The following LIG3 variants were observed in gnomAD, a reference collection of about 807,000 sequenced individuals.
LIG3 encodes the protein DNA ligase 3.
A neutral mutation model predicts 110.9 loss-of-function variants in LIG3; 58 were observed. That is an observed-to-expected ratio of 0.52 (90% CI 0.42 to 0.65). The LOEUF is 0.65. Among genes scored for constraint, LIG3 ranks in the 30% least tolerant of loss-of-function variants. LIG3 has a pLI of 0.00. For missense variants in LIG3, 1,094 were observed against 1,273.8 expected (o/e 0.86, Z 2.15); for synonymous variants, 422 against 472.8 (o/e 0.89, Z 1.39).
intron 11 of LIG3, chr17:34,997,427 T>G: frequency 3.5e-6 from 1 of 285,162 alleles, no homozygotes; most frequent in Admixed American, 4.1e-5. Flanking sequence ...AGAGTTGGAG[T>G]CGTATTTCAA....
At chr17:34,980,679 G>C (rs983119832) in intron 1 of LIG3, 57 bp downstream of exon 1, 2 of 898,890 alleles carry the variant, frequency 2.2e-6, no homozygotes, top group African/African-American at 1.2e-4. Context: ...GGAAGGCAGC[G>C]GGCCCGGGGC....
In LIG3 at chr17:34,994,445, C is replaced by G; in HGVS notation, c.1611+14C>G. Reference sequence around the variant, plus strand: ...CTTCCTCACAAGGTATGAGTGCCTTCCTTTCTGCCAGGACCGTCTTTCCCC... The same window carrying G: ...CTTCCTCACAAGGTATGAGTGCCTTGCTTTCTGCCAGGACCGTCTTTCCCC... On this transcript the variant is annotated intron_variant, in intron 9 of 19. Transcript: ENST00000378526. 3 of 1,610,902 alleles carry G rather than the reference C, an allele frequency of 1.9e-6. No homozygotes were observed. The highest frequency in any genetic ancestry group is 2.5e-6 in the Non-Finnish European group (3 of 1,178,360).
Position 34,989,496 on chromosome 17 carries a change from C to G in LIG3, c.722C>G (p.Ser241Trp), listed in dbSNP as rs201814781. 5.0e-6 allele frequency: 8 copies of G among 1,614,050 alleles called. No individual in the cohort carries two copies. Among genetic ancestry groups the G allele is most frequent in the Non-Finnish European group, 6.8e-6 (8 of 1,180,012 alleles). The change falls in exon 4 of 20, where the codon TCG becomes TGG. Residue 241 changes from serine (S) to tryptophan (W), a missense_variant. Coordinates refer to ENST00000378526, the MANE Select transcript of LIG3 (RefSeq NM_013975.4). ...AKPNNSGEAP[S>W]SPTPKRSLSS... ...CCCAACAACTCTGGGGAAGCCCCCT[C>G]GAGCCCCACCCCTAAGAGAAGTCTG...
At chr17:34,995,073 T>C (rs989722218) in intron 9 of LIG3, among the ~76,000 whole-genome samples, 3 of 152,186 alleles carry the variant, frequency 2.0e-5, no homozygotes, top group African/African-American at 7.2e-5. Flanking sequence ...AGCTGGAACA[T>C]CTGGCTCCGG....
At chr17:35,002,850 C>T (rs2090858828) in intron 19 of LIG3, 61 bp downstream of exon 19, 1 of 1,572,194 alleles carries the variant, frequency 6.4e-7, no homozygotes, top group Admixed American at 1.8e-5. Context: ...TGTTCCCAAC[C>T]TTCTGTACAA....
chr17:35,000,049 AT>A (rs3136017), intron 16 of LIG3, among the ~76,000 whole-genome samples, 193 bp downstream of exon 16: 151 of 152,106 alleles, frequency 9.9e-4, no homozygotes, highest in African/African-American at 3.5e-3. Context: ...CTGCAATACA[AT>A]TGCTTTAAAA....
rs1382361927 is a variant in LIG3 at position 35,006,132 on chromosome 17, T to C, written c.*1626T>C. On this transcript the variant is annotated 3_prime_UTR_variant, in exon 20 of 20. Coordinates refer to ENST00000378526, the MANE Select transcript of LIG3 (RefSeq NM_013975.4). ...TCCTGTGCTACCTGAGGCTGATTTA[T>C]TTGAAGAACAAAAGGAAGAGAGACA... 6.1e-6 allele frequency: 1 copy of C among 163,022 alleles called. No homozygotes were observed. Among genetic ancestry groups the C allele is most frequent in the Non-Finnish European group, 1.3e-5 (1 of 74,508 alleles). 10.1% of individuals were successfully genotyped at this position (163,022 alleles called of 1,614,324 possible).
rs139080691 is a variant in LIG3 at position 35,002,530 on chromosome 17, A to C, written c.2675-138A>C. 1.2e-5 allele frequency: 10 copies of C among 849,184 alleles called. No homozygotes were observed. The African/African-American group carries it at 1.5e-4, about 13-fold the overall frequency. The allele number at this position is 849,184 out of a possible 1,614,324, so 52.6% of individuals were successfully genotyped here. A position where few individuals can be genotyped will look rare whatever the true frequency, so the allele number is the denominator to read the frequency against. ...ATATGTTTTTTAGAGACAGGGTCTC[A>C]CTCTGTCATCCAGGCTGGAGTGCAG... On this transcript the variant is annotated intron_variant, in intron 18 of 19. Coordinates refer to ENST00000378526, the MANE Select transcript of LIG3 (RefSeq NM_013975.4).
Position 34,997,791 on chromosome 17 carries a change from A to G in LIG3, c.1877A>G (p.Asn626Ser). 1 of 1,614,142 alleles carries G rather than the reference A, an allele frequency of 6.2e-7. No homozygotes were observed. Among genetic ancestry groups the G allele is most frequent in the African/African-American group, 1.3e-5 (1 of 75,052 alleles). Residue 626 changes from asparagine (N) to serine (S), a missense_variant, in exon 12 of 20, where the codon AAC (asparagine) becomes AGC (serine). Asn to Ser is a conservative substitution (Grantham distance 46, BLOSUM62 1). Transcript: ENST00000378526. Reference sequence around the variant, plus strand: ...CATGACAACATGGTTGAAATTCCAAACCGGATCATGTTCTCAGAAATGAAG... The same window carrying G: ...CATGACAACATGGTTGAAATTCCAAGCCGGATCATGTTCTCAGAAATGAAG... Reference protein sequence around the residue: ...FLHDNMVEIPNRIMFSEMKRV... With the variant: ...FLHDNMVEIPSRIMFSEMKRV...
intron 14 of LIG3, 142 bp from the exon 15 acceptor site, chr17:34,999,163 TAC>T: frequency 1.1e-6 from 1 of 904,574 alleles, no homozygotes; most frequent in Non-Finnish European, 1.6e-6. Flanking sequence ...AGGTTAAAAT[TAC>T]ACAGTTAGTA....
In LIG3 at chr17:34,998,252, G is replaced by A. The variant is rs1443938978; in HGVS notation, c.1945G>A (p.Val649Met). 1 of 1,613,668 alleles carries A rather than the reference G, an allele frequency of 6.2e-7. No individual in the cohort carries two copies. The highest frequency in any genetic ancestry group is 8.5e-7 in the Non-Finnish European group (1 of 1,179,790). Residue 649 changes from valine to methionine, a missense_variant, in exon 13 of 20, where the codon GTG becomes ATG. Val to Met is a conservative substitution (Grantham distance 21, BLOSUM62 1). Transcript: ENST00000378526. ...ALDLADMITR[V>M]IQEGLEGLVL... ...GGACTTGGCTGACATGATAACCCGG[G>A]TGATCCAGGAGGGATTGGAGGGGCT... is the stretch of plus-strand genomic sequence containing the variant.
chr17:34,986,042 A>T lies in LIG3; in HGVS notation c.602A>T (p.Lys201Met). The T allele has an allele frequency of 1.2e-6, 2 of 1,614,122 alleles. No individual in the cohort carries two copies. Among genetic ancestry groups the T allele is most frequent in the Non-Finnish European group, 1.7e-6 (2 of 1,179,946 alleles). Reference protein sequence around the residue: ...TPKKKAVVQAKLTTTGQVTSP... With the variant: ...TPKKKAVVQAMLTTTGQVTSP... ...AAGAAGAAAGCTGTTGTCCAGGCTA[A>T]GTTGACAACCACTGGCCAGGTGACT... Residue 201 changes from lysine to methionine, a missense_variant, in exon 3 of 20, where the codon AAG becomes ATG. Lys to Met is a moderately conservative substitution (Grantham distance 95, BLOSUM62 -1). Transcript: ENST00000378526.
intron 1 of LIG3, 76 bp from the exon 2 acceptor site, chr17:34,982,926 C>T (rs946495388): frequency 2.1e-5 from 25 of 1,208,492 alleles, no homozygotes; most frequent in Non-Finnish European, 2.9e-5. Flanking sequence ...AAGACGCTGG[C>T]CTTTGGAAAA....
Position 34,990,990 on chromosome 17 carries a change from C to T in LIG3, c.917C>T (p.Thr306Ile), listed in dbSNP as rs143227519. Reference sequence around the variant, plus strand: ...GGTTTCCACGGTGATGTGTACCTAACAGTGAAGCTGCTGCTGCCAGGAGTC... The same window carrying T: ...GGTTTCCACGGTGATGTGTACCTAATAGTGAAGCTGCTGCTGCCAGGAGTC... ...GDGFHGDVYL[T>I]VKLLLPGVIK... Residue 306 changes from threonine to isoleucine, a missense_variant, in exon 5 of 20, where the codon ACA becomes ATA. Transcript: ENST00000378526. 1 of 1,614,144 alleles carries T rather than the reference C, an allele frequency of 6.2e-7. No homozygotes were observed. Among genetic ancestry groups the T allele is most frequent in the African/African-American group, 1.3e-5 (1 of 75,052 alleles).
chr17:34,982,921 G>A (rs781178883), intron 1 of LIG3, 81 bp from the exon 2 acceptor site: 72 of 1,113,856 alleles, frequency 6.5e-5, no homozygotes, highest in Middle Eastern at 4.1e-4. Flanking sequence ...TATATAAGAC[G>A]CTGGCCTTTG....
At chr17:34,994,515 C>A in intron 9 of LIG3, 84 bp downstream of exon 9, 1 of 1,342,184 alleles carries the variant, frequency 7.5e-7, no homozygotes, top group Non-Finnish European at 1.0e-6. Context: ...ATAGCCATTC[C>A]AGCTGTGGTA....
At chr17:34,996,028 T>A (rs762355342) in intron 9 of LIG3, 36 bp from the exon 10 acceptor site, 1 of 1,601,584 alleles carries the variant, frequency 6.2e-7, no homozygotes, top group Non-Finnish European at 8.5e-7. Context: ...CCTGCTGCCA[T>A]GTCATCCCTC....
intron 11 of LIG3, chr17:34,997,110 G>A (rs1049895722): frequency 1.2e-5 from 2 of 166,514 alleles, no homozygotes; most frequent in African/African-American, 4.8e-5. Flanking sequence ...ACAACAGGAA[G>A]CTCCGGATTA....
At chr17:34,995,654 A>G (rs1371989140) in intron 9 of LIG3, among the ~76,000 whole-genome samples, 3 of 151,806 alleles carry the variant, frequency 2.0e-5, no homozygotes, top group Non-Finnish European at 4.4e-5. Context: ...GTTCATTTCT[A>G]CCTTTCTGGT....
Sources: gnomAD v4.1 joint callset for allele counts (sites outside exome capture counted in the v4.1 genomes callset) on GRCh38, gnomAD v4.1.1 for gene constraint, MANE v1.5 for transcripts, NCBI Gene and HGNC (gene_info 2026-07-23, HGNC 2026-07-21) for gene names.